CERKL: variants seen among roughly 807,000 people sequenced by gnomAD.
CERKL encodes ceramide kinase-like protein.
A neutral mutation model predicts 63.4 loss-of-function variants in CERKL; 61 were observed. The observed-to-expected ratio is 0.96, with a 90% CI of 0.78 to 1.19. The LOEUF (loss-of-function observed/expected upper bound fraction) is 1.19, where lower values mean the gene tolerates loss of function less well. Among genes scored for constraint, CERKL ranks in the 50% most tolerant of loss-of-function variants. The pLI is 0.00. For synonymous variants in CERKL, 250 were observed against 230.5 expected (o/e 1.08, Z -0.77); for missense variants, 675 against 655.5 (o/e 1.03, Z -0.33).
At chr2:181,633,511 C>T (rs1687054450) in intron 1 of CERKL, among the ~76,000 whole-genome samples, 1 of 152,010 alleles carries the variant, frequency 6.6e-6, no homozygotes, top group African/African-American at 2.4e-5. Context: ...TTGATAGCAT[C>T]CTCTAATAAA....
At position 181,538,227 on chromosome 2, in the gene CERKL, A is replaced by G. The variant is rs141723283; in HGVS notation, c.1556T>C (p.Ile519Thr). Reference sequence around the variant, plus strand: ...TTCCATGCTTCCTCCATAAAGACTGATAAGTCTTGGATGCAATCTGTAAAG... The same window carrying G: ...TTCCATGCTTCCTCCATAAAGACTGGTAAGTCTTGGATGCAATCTGTAAAG... Reference protein sequence around the residue: ...EVHIRLHPRLISLYGGSMEEM... With the variant: ...EVHIRLHPRLTSLYGGSMEEM... The change falls in exon 13 of 13, where the codon ATC (isoleucine) becomes ACC (threonine). Residue 519 changes from isoleucine (I) to threonine (T), a missense_variant. Physicochemically the swap from Ile to Thr is moderately conservative, Grantham distance 89. Coordinates refer to ENST00000410087, the MANE Select transcript of CERKL (RefSeq NM_201548.5). The G allele has an allele frequency of 5.0e-5, 80 of 1,591,160 alleles. No individual in the cohort carries two copies. In the Middle Eastern group the frequency reaches 1.1e-3, roughly 22 times the overall value.
At chr2:181,635,137 T>G (rs1687117881) in intron 1 of CERKL, among the ~76,000 whole-genome samples, 1 of 152,154 alleles carries the variant, frequency 6.6e-6, no homozygotes, top group Non-Finnish European at 1.5e-5. Context: ...GAGTCTGGCA[T>G]GTACCTACAA....
chr2:181,643,915 A>C (rs1173546984), intron 1 of CERKL, among the ~76,000 whole-genome samples: 1 of 152,238 alleles, frequency 6.6e-6, no homozygotes, highest in Non-Finnish European at 1.5e-5. Context: ...GGCACAAAAA[A>C]ATGCCTGACT....
At chr2:181,630,814 T>A (rs1232357354) in intron 1 of CERKL, among the ~76,000 whole-genome samples, 1 of 152,240 alleles carries the variant, frequency 6.6e-6, no homozygotes, top group African/African-American at 2.4e-5. Flanking sequence ...AGTTTTAATT[T>A]CTACTTTAGC....
chr2:181,642,901 C>A (rs1436933615), intron 1 of CERKL, among the ~76,000 whole-genome samples: 1 of 152,312 alleles, frequency 6.6e-6, no homozygotes, highest in South Asian at 2.1e-4. Context: ...TCAACCAATT[C>A]TTTTCCTCCA....
intron 1 of CERKL, among the ~76,000 whole-genome samples, chr2:181,613,624 T>C (rs1024384159): frequency 1.3e-5 from 2 of 152,206 alleles, no homozygotes; most frequent in East Asian, 3.8e-4. Context: ...AGAAAAACTA[T>C]AGGCTTAGAA....
intron 11 of CERKL, 147 bp from the exon 12 acceptor site, chr2:181,539,411 AC>A (rs1181650177): frequency 1.2e-5 from 7 of 606,326 alleles, no homozygotes; most frequent in African/African-American, 3.7e-5. Context: ...GGGATCTCCA[AC>A]TTTTTTTGGA....
chr2:181,622,947 C>T (rs1181528997), intron 1 of CERKL, among the ~76,000 whole-genome samples: 2 of 152,156 alleles, frequency 1.3e-5, no homozygotes, highest in Non-Finnish European at 2.9e-5. Flanking sequence ...CTGCTCATGC[C>T]TAACTTTCTC....
Position 181,550,507 on chromosome 2 carries a change from A to G in CERKL, c.821-799T>C, listed in dbSNP as rs149334279. Among the ~76,000 whole-genome samples the G allele has an allele frequency of 2.0e-3, 298 of 152,286 alleles. No homozygotes were observed. Among genetic ancestry groups the G allele is most frequent in the Admixed American group, 3.9e-3 (59 of 15,288 alleles). ...AGGAGGCTAAAGAGAATTTAAAATT[A>G]TTAAGAACAGAATGAATGAAGCTAC... On this transcript the variant is annotated intron_variant, in intron 5 of 12. Transcript: ENST00000410087. This position sits in a 1 kb window ranked among gnomAD's most constrained non-coding sequence, Gnocchi z 4.5.
chr2:181,600,547 A>C (rs1315720543), intron 2 of CERKL, among the ~76,000 whole-genome samples: 1 of 152,228 alleles, frequency 6.6e-6, no homozygotes, highest in African/African-American at 2.4e-5. Flanking sequence ...GAAAATTAAA[A>C]AAGAACAGAT....
chr2:181,624,041 C>A (rs1344852721), intron 1 of CERKL, among the ~76,000 whole-genome samples: 1 of 152,086 alleles, frequency 6.6e-6, no homozygotes, highest in Non-Finnish European at 1.5e-5. Context: ...GGTCCTGTGG[C>A]AAATGCATAC....
At chr2:181,560,129 C>T (rs1420170382) in intron 4 of CERKL, among the ~76,000 whole-genome samples, 1 of 152,032 alleles carries the variant, frequency 6.6e-6, no homozygotes, top group Non-Finnish European at 1.5e-5. Flanking sequence ...TGAAAAAAAC[C>T]AAGGTTTGAC....
intron 8 of CERKL, 135 bp from the exon 9 acceptor site, chr2:181,547,982 A>AT (rs1457328283): frequency 1.2e-6 from 1 of 807,272 alleles, no homozygotes; most frequent in Non-Finnish European, 1.9e-6. Flanking sequence ...CTTCAATTAG[A>AT]TAGTAAGTAA....
At chr2:181,589,332 G>T (rs1684892237) in intron 2 of CERKL, among the ~76,000 whole-genome samples, 1 of 152,090 alleles carries the variant, frequency 6.6e-6, no homozygotes, top group South Asian at 2.1e-4. Context: ...AAGATTTATT[G>T]GCAGCTCTTT....
intron 1 of CERKL, among the ~76,000 whole-genome samples, chr2:181,654,602 C>G (rs1263479786): frequency 3.3e-5 from 5 of 152,282 alleles, no homozygotes; most frequent in African/African-American, 1.2e-4. Context: ...AATGGACATG[C>G]TCTCCCCCCA....
At chr2:181,571,269 G>A (rs1468092099) in intron 3 of CERKL, among the ~76,000 whole-genome samples, 2 of 152,076 alleles carry the variant, frequency 1.3e-5, no homozygotes, top group Non-Finnish European at 2.9e-5. Context: ...GTGTTAGGCA[G>A]CTAATAATTA....
chr2:181,596,282 A>C (rs187588563), intron 2 of CERKL, among the ~76,000 whole-genome samples: 1 of 152,318 alleles, frequency 6.6e-6, no homozygotes, highest in East Asian at 1.9e-4. Flanking sequence ...TGTATAAGAC[A>C]CCAATTACTT....
intron 1 of CERKL, chr2:181,617,440 G>C (rs1686246314): frequency 6.6e-6 from 1 of 152,170 alleles, no homozygotes; most frequent in Non-Finnish European, 1.5e-5. Context: ...TGAACAAAGT[G>C]AGTCAGTCAC....
intron 2 of CERKL, among the ~76,000 whole-genome samples, chr2:181,586,151 A>G (rs1684755616): frequency 6.6e-6 from 1 of 152,208 alleles, no homozygotes; most frequent in Admixed American, 6.5e-5. Flanking sequence ...AAAAGCCTTT[A>G]GATTGCAAGA....
Sources: allele counts gnomAD v4.1 joint callset (sites outside exome capture counted in the v4.1 genomes callset), GRCh38; gene constraint gnomAD v4.1.1; non-coding constraint Gnocchi (gnomAD v3.1); transcripts MANE v1.5; gene names NCBI Gene and HGNC (gene_info 2026-07-23, HGNC 2026-07-21).